KIAA0232: variants seen among roughly 807,000 people sequenced by gnomAD.
The protein encoded by KIAA0232 is uncharacterized protein KIAA0232.
In KIAA0232, 27 loss-of-function variants were observed where a neutral mutation model predicts 122.0. The ratio of observed to expected loss-of-function variants is 0.22; its 90% CI spans 0.16 to 0.31. The LOEUF is 0.31. KIAA0232 is among the 10% of genes least tolerant of loss of function. KIAA0232 has a pLI of 1.00. For missense variants in KIAA0232, 1,551 were observed against 1,634.2 expected (o/e 0.95, Z 0.88); for synonymous variants, 613 against 587.6 (o/e 1.04, Z -0.63).
chr4:6,825,497 G>T (rs1718629515), intron 3 of KIAA0232, among the ~76,000 whole-genome samples: 1 of 152,152 alleles, frequency 6.6e-6, no homozygotes, highest in African/African-American at 2.4e-5. Flanking sequence ...CGAGGCTGCA[G>T]TCAGCCATGA....
At chr4:6,800,425 T>C (rs1396519181) in intron 1 of KIAA0232, among the ~76,000 whole-genome samples, 2 of 151,304 alleles carry the variant, frequency 1.3e-5, no homozygotes, top group Non-Finnish European at 2.9e-5. Flanking sequence ...TTCATGCCTG[T>C]AATCCCAGCA....
At chr4:6,807,801 C>T (rs1426219672) in intron 2 of KIAA0232, among the ~76,000 whole-genome samples, 1 of 152,186 alleles carries the variant, frequency 6.6e-6, no homozygotes, top group Non-Finnish European at 1.5e-5. Flanking sequence ...AGGCCAGGCA[C>T]AGTGACTCAT....
chr4:6,852,796 A>G (rs1720363443), intron 4 of KIAA0232, among the ~76,000 whole-genome samples: 1 of 152,188 alleles, frequency 6.6e-6, no homozygotes, highest in Admixed American at 6.5e-5. Flanking sequence ...TCCTCATGTG[A>G]CTGGTGCTTC....
chr4:6,863,657 T>G lies in KIAA0232; in HGVS notation c.3275T>G (p.Val1092Gly), dbSNP rs755292698. ...GTGTTTCACCCCAGGATATGTGGTG[T>G]TGACAGAACACAATACAGGGCTATT... is the stretch of plus-strand genomic sequence containing the variant. ...SEVFHPRICGVDRTQYRAIRI... is the reference protein window; with the variant it reads ...SEVFHPRICGGDRTQYRAIRI... Residue 1092 changes from valine (V) to glycine (G), a missense_variant, in exon 7 of 10, where the codon GTT becomes GGT. Around this residue, in one of 5 missense-constraint regions of KIAA0232, gnomAD observed 1,108 missense variants for 1,154.8 expected, o/e 0.96. Transcript: ENST00000307659. 2.5e-6 allele frequency: 4 copies of G among 1,614,078 alleles called. No individual in the cohort carries two copies. Among genetic ancestry groups the G allele is most frequent in the Non-Finnish European group, 3.4e-6 (4 of 1,180,046 alleles).
At chr4:6,794,536 C>T (rs1338585421) in intron 1 of KIAA0232, among the ~76,000 whole-genome samples, 1 of 152,064 alleles carries the variant, frequency 6.6e-6, no homozygotes, top group Non-Finnish European at 1.5e-5. Flanking sequence ...AAATTAGTGC[C>T]AAGGGGAAAA....
At chr4:6,878,416 A>ATACATACATAC (rs1560214700) in intron 9 of KIAA0232, among the ~76,000 whole-genome samples, 33 of 68,434 alleles carry the variant, frequency 4.8e-4, no homozygotes, top group South Asian at 8.2e-4. Context: ...TACATACATA[A>ATACATACATAC]ATATATACAT....
At chr4:6,788,865 A>G (rs946417449) in intron 1 of KIAA0232, among the ~76,000 whole-genome samples, 6 of 152,204 alleles carry the variant, frequency 3.9e-5, no homozygotes, top group African/African-American at 1.2e-4. Context: ...AGACGACACT[A>G]GTGGTTGGAT....
At chr4:6,836,522 C>A (rs1577384639) in intron 3 of KIAA0232, among the ~76,000 whole-genome samples, 1 of 130,004 alleles carries the variant, frequency 7.7e-6, no homozygotes, top group East Asian at 2.2e-4. Flanking sequence ...GTTGTTTGTC[C>A]TTTTTCTTTT....
At chr4:6,877,330 G>A (rs936834484) in intron 9 of KIAA0232, among the ~76,000 whole-genome samples, 2 of 152,240 alleles carry the variant, frequency 1.3e-5, no homozygotes, top group African/African-American at 4.8e-5. Flanking sequence ...ACGAAGGCGG[G>A]AGCGGGGCCT....
intron 1 of KIAA0232, among the ~76,000 whole-genome samples, chr4:6,786,734 A>G (rs1165897565): frequency 6.6e-6 from 1 of 152,260 alleles, no homozygotes; most frequent in African/African-American, 2.4e-5. Flanking sequence ...ACATAATCAC[A>G]TAAGTGGTAT....
chr4:6,811,285 A>G (rs374640814), intron 2 of KIAA0232, among the ~76,000 whole-genome samples: 6 of 152,338 alleles, frequency 3.9e-5, no homozygotes, highest in African/African-American at 1.4e-4. Flanking sequence ...ACATAAAAAA[A>G]GAGTGAAATC....
At chr4:6,846,073 G>C (rs879613221) in intron 4 of KIAA0232, among the ~76,000 whole-genome samples, 4 of 146,042 alleles carry the variant, frequency 2.7e-5, no homozygotes, top group Non-Finnish European at 6.0e-5. Flanking sequence ...ATTTGTACTT[G>C]TATTGCTCTT....
intron 3 of KIAA0232, among the ~76,000 whole-genome samples, chr4:6,836,652 T>A (rs537496295): frequency 5.9e-5 from 9 of 151,386 alleles, no homozygotes; most frequent in Non-Finnish European, 7.4e-5. Context: ...CAGATAAACA[T>A]GTGAACAAAG....
intron 1 of KIAA0232, among the ~76,000 whole-genome samples, chr4:6,787,437 C>T (rs775245155): frequency 2.0e-5 from 3 of 152,156 alleles, no homozygotes; most frequent in Non-Finnish European, 4.4e-5. Flanking sequence ...ACGGTTATTC[C>T]TGTTGCTTTG....
At chr4:6,843,811 C>G (rs1719794251) in intron 4 of KIAA0232, among the ~76,000 whole-genome samples, 1 of 151,978 alleles carries the variant, frequency 6.6e-6, no homozygotes, top group African/African-American at 2.4e-5. Context: ...CCTGACTCCC[C>G]TGGCCATATA....
chr4:6,834,263 G>C (rs1378557084), intron 3 of KIAA0232, among the ~76,000 whole-genome samples: 2 of 152,052 alleles, frequency 1.3e-5, no homozygotes, highest in Non-Finnish European at 2.9e-5. Flanking sequence ...TACAAATTAT[G>C]TGCATATCTA....
At chr4:6,801,032 A>T (rs931230318) in intron 1 of KIAA0232, among the ~76,000 whole-genome samples, 2 of 152,194 alleles carry the variant, frequency 1.3e-5, no homozygotes, top group African/African-American at 4.8e-5. Context: ...TAATTTTCTT[A>T]GTTTGTAGGA....
Position 6,846,439 on chromosome 4 carries a change from C to A in KIAA0232, c.369+4235C>A, listed in dbSNP as rs190904955. Among the ~76,000 whole-genome samples, 246 of 152,264 alleles carry A rather than the reference C, an allele frequency of 1.6e-3. 1 individual carries two copies. Among genetic ancestry groups the A allele is most frequent in the Non-Finnish European group, 3.1e-3 (210 of 68,026 alleles). ...CTCAGATCCGTTGTGGCATTAGATT[C>A]TCATAGGAGCACAAACCCTATTGTG... On this transcript the variant is annotated intron_variant, in intron 4 of 9. Transcript: ENST00000307659.
chr4:6,836,791 A>T (rs911077230), intron 3 of KIAA0232, among the ~76,000 whole-genome samples: 2 of 152,072 alleles, frequency 1.3e-5, no homozygotes, highest in Admixed American at 1.3e-4. Context: ...TTAACAAAGC[A>T]CATCTTGCAC....
Sources: gnomAD v4.1 joint callset for allele counts (sites outside exome capture counted in the v4.1 genomes callset) on GRCh38, gnomAD v4.1.1 for gene constraint, gnomAD v4.1.1 regional missense constraint, MANE v1.5 for transcripts, NCBI Gene and HGNC (gene_info 2026-07-23, HGNC 2026-07-21) for gene names.